Variants in PARD3B observed in about 807,000 individuals in gnomAD.
PARD3B encodes par-3 family cell polarity regulator beta.
Under a neutral mutation model 130.2 loss-of-function variants are expected in PARD3B, and 103 were observed. The ratio of observed to expected loss-of-function variants is 0.79; its 90% CI spans 0.67 to 0.93. The LOEUF (loss-of-function observed/expected upper bound fraction) is 0.93, where lower values mean the gene tolerates loss of function less well. Among genes scored for constraint, PARD3B ranks in the 40% least tolerant of loss-of-function variants. The pLI, the probability that PARD3B is intolerant of heterozygous loss-of-function variation, is 0.00. For synonymous variants in PARD3B, 583 were observed against 553.2 expected (o/e 1.05, Z -0.76); for missense variants, 1,609 against 1,499.2 (o/e 1.07, Z -1.21).
chr2:205,217,731 T>C (rs1026451673), intron 15 of PARD3B, among the ~76,000 whole-genome samples: 14 of 150,368 alleles, frequency 9.3e-5, no homozygotes, highest in Admixed American at 2.7e-4. Flanking sequence ...CACATACATA[T>C]ACACATATAT....
chr2:204,804,041 C>G (rs1295923889), intron 2 of PARD3B, among the ~76,000 whole-genome samples: 1 of 152,092 alleles, frequency 6.6e-6, no homozygotes, highest in African/African-American at 2.4e-5. Context: ...TGGCAAAACC[C>G]TGTCTACCAG....
intron 4 of PARD3B, among the ~76,000 whole-genome samples, chr2:205,085,435 C>T (rs1701685790): frequency 6.6e-6 from 1 of 151,768 alleles, no homozygotes; most frequent in South Asian, 2.1e-4. Context: ...ATCTTTAGAA[C>T]TTTTTTCTTA....
chr2:204,747,097 T>G (rs957388023), intron 2 of PARD3B, among the ~76,000 whole-genome samples: 2 of 152,154 alleles, frequency 1.3e-5, no homozygotes, highest in Non-Finnish European at 2.9e-5. Flanking sequence ...CTTCTAGGGT[T>G]TTTATGGTTT....
At chr2:204,780,531 T>G (rs1230980224) in intron 2 of PARD3B, among the ~76,000 whole-genome samples, 1 of 152,138 alleles carries the variant, frequency 6.6e-6, no homozygotes, top group Non-Finnish European at 1.5e-5. Context: ...GATTATATCT[T>G]AAAAGGCTTT....
At chr2:204,593,876 G>T (rs2033176283) in intron 1 of PARD3B, among the ~76,000 whole-genome samples, 1 of 152,150 alleles carries the variant, frequency 6.6e-6, no homozygotes, top group Admixed American at 6.6e-5. Flanking sequence ...CTTTTGTGGG[G>T]ACCTCTGAGG....
At chr2:205,104,767 C>A (rs1472679728) in intron 5 of PARD3B, among the ~76,000 whole-genome samples, 1 of 152,096 alleles carries the variant, frequency 6.6e-6, no homozygotes, top group Admixed American at 6.5e-5. Context: ...TTCTGAAATA[C>A]TTTTTTCTCT....
chr2:205,113,485 C>T lies in PARD3B; in HGVS notation c.594-6C>T, dbSNP rs754177867. 4.4e-6 allele frequency: 7 copies of T among 1,608,044 alleles called. No homozygotes were observed. The Admixed American group carries it at 8.4e-5, about 19-fold the overall frequency. ...TCATTTGTGCTCTTGTTTTTTTCTG[C>T]CCCAGTGATATGACAAGAACAGTGG... On this transcript the variant is annotated splice_region_variant and splice_polypyrimidine_tract_variant and intron_variant, in intron 5 of 22. Transcript: ENST00000406610.
At chr2:204,989,271 G>C (rs780356393) in intron 3 of PARD3B, among the ~76,000 whole-genome samples, 1 of 152,006 alleles carries the variant, frequency 6.6e-6, no homozygotes, top group African/African-American at 2.4e-5. Context: ...AAAGAAAAAA[G>C]CCAAGTATGA....
chr2:205,333,292 G>C (rs1236499437), intron 18 of PARD3B, among the ~76,000 whole-genome samples: 1 of 149,838 alleles, frequency 6.7e-6, no homozygotes. Flanking sequence ...GGAGCTAAAA[G>C]AGTAAAAGAC....
chr2:205,469,116 T>C (rs1479730555), intron 20 of PARD3B, among the ~76,000 whole-genome samples: 1 of 152,160 alleles, frequency 6.6e-6, no homozygotes, highest in Non-Finnish European at 1.5e-5. Flanking sequence ...ACTTGTTTGT[T>C]TCCTCTATCA....
intron 18 of PARD3B, among the ~76,000 whole-genome samples, chr2:205,362,776 G>C (rs2044439388): frequency 6.6e-6 from 1 of 152,206 alleles, no homozygotes; most frequent in Non-Finnish European, 1.5e-5. Context: ...GAAGGGCAGA[G>C]GCAGATTAAT....
At chr2:204,741,879 G>A (rs1046171313) in intron 2 of PARD3B, among the ~76,000 whole-genome samples, 4 of 151,902 alleles carry the variant, frequency 2.6e-5, no homozygotes, top group Non-Finnish European at 5.9e-5. Flanking sequence ...AAAGGATTCA[G>A]CAAACCCCTG....
intron 18 of PARD3B, among the ~76,000 whole-genome samples, chr2:205,375,267 A>C (rs2044996610): frequency 6.6e-6 from 1 of 152,242 alleles, no homozygotes. Context: ...TACAATGTAA[A>C]GAACACTGAG....
rs2105896456 is a variant in PARD3B, at chr2:205,366,790, T to C, written c.2631-34223T>C. Among the ~76,000 whole-genome samples the C allele has an allele frequency of 6.6e-6, 1 of 152,306 alleles. No individual in the cohort carries two copies. On this transcript the variant is annotated intron_variant, in intron 18 of 22. Transcript: ENST00000406610. The surrounding 1 kb of genome is among the most constrained non-coding windows in gnomAD (Gnocchi z 5.0). ...AGTTGTATCTCTGCACCTGGGGGCA[T>C]TTTAGGTGGCCTCCAGGCCATGTGC...
intron 8 of PARD3B, 120 bp from the exon 9 acceptor site, chr2:205,124,207 A>C: frequency 1.2e-6 from 1 of 851,606 alleles, no homozygotes; most frequent in East Asian, 3.0e-5. Context: ...AAAATGTCCC[A>C]GAATGTAAAT....
intron 10 of PARD3B, among the ~76,000 whole-genome samples, chr2:205,149,746 G>A (rs1266849383): frequency 1.3e-5 from 2 of 152,138 alleles, no homozygotes; most frequent in East Asian, 3.9e-4. Flanking sequence ...TCTGGGCCCT[G>A]GTTGCTTTGA....
At position 205,157,277 on chromosome 2, in the gene PARD3B, G is replaced by A. The variant is rs190219493; in HGVS notation, c.1435-1445G>A. ...AGTTTACATTTAGTACGAAACTCTG[G>A]CATTCCAATGGAAATTGGAATCAAA... is the stretch of plus-strand genomic sequence containing the variant. On this transcript the variant is annotated intron_variant, in intron 10 of 22. Transcript: ENST00000406610. Among the ~76,000 whole-genome samples the A allele has an allele frequency of 2.6e-3, 395 of 152,270 alleles. 2 individuals are homozygous for A. Among genetic ancestry groups the A allele is most frequent in the Admixed American group, 6.3e-3 (96 of 15,280 alleles).
At chr2:204,652,651 G>C (rs755846948) in intron 1 of PARD3B, among the ~76,000 whole-genome samples, 1 of 152,154 alleles carries the variant, frequency 6.6e-6, no homozygotes, top group African/African-American at 2.4e-5. Context: ...AGGTATTTTT[G>C]TAGCAGTGCT....
intron 1 of PARD3B, among the ~76,000 whole-genome samples, chr2:204,658,823 T>C (rs1021264581): frequency 3.3e-5 from 5 of 152,218 alleles, no homozygotes; most frequent in Non-Finnish European, 2.9e-5. Context: ...TACAATCTGC[T>C]ATTACCAATG....
Sources: gnomAD v4.1 joint callset for allele counts (sites outside exome capture counted in the v4.1 genomes callset) on GRCh38, gnomAD v4.1.1 for gene constraint, Gnocchi (gnomAD v3.1) non-coding constraint, MANE v1.5 for transcripts, NCBI Gene and HGNC (gene_info 2026-07-23, HGNC 2026-07-21) for gene names.